The following BLOC1S6 variants were observed in gnomAD, a reference collection of about 807,000 sequenced individuals.
The protein encoded by BLOC1S6 is biogenesis of lysosomal organelles complex 1 subunit 6.
BLOC1S6 carries 24 observed loss-of-function variants against 24.7 expected under a neutral mutation model. The observed-to-expected ratio is 0.97, with a 90% CI of 0.70 to 1.37. BLOC1S6 has a LOEUF of 1.37. Among genes scored for constraint, BLOC1S6 ranks in the 40% most tolerant of loss-of-function variants. The pLI is 0.00. For missense variants in BLOC1S6, 175 were observed against 196.2 expected (o/e 0.89, Z 0.64); for synonymous variants, 76 against 72.6 (o/e 1.05, Z -0.23).
Position 45,609,277 on chromosome 15 carries a change from G to A in BLOC1S6, c.*2763G>A, listed in dbSNP as rs573029090. The A allele has an allele frequency of 6.6e-5, 10 of 152,044 alleles. No individual in the cohort carries two copies. The highest frequency in any genetic ancestry group is 1.2e-4 in the Non-Finnish European group (8 of 68,030). 9.4% of individuals were successfully genotyped at this position (152,044 alleles called of 1,614,324 possible). On this transcript the variant is annotated 3_prime_UTR_variant, in exon 5 of 5. Coordinates refer to ENST00000220531, the MANE Select transcript of BLOC1S6 (RefSeq NM_012388.4). The stretch of plus-strand genomic sequence containing the variant: ...TTCAAGGCTGCAGTGAATTCTGATC[G>A]CACCACTGAACTCCAGCCCGTATGA...
intron 1 of BLOC1S6, 114 bp downstream of exon 1, chr15:45,587,639 C>T (rs968127866): frequency 2.8e-6 from 3 of 1,061,466 alleles, no homozygotes; most frequent in Admixed American, 2.2e-5. Flanking sequence ...GCGGCTGCGG[C>T]CCCCGGGCCC....
At chr15:45,606,341 A>C in intron 4 of BLOC1S6, 54 bp from the exon 5 acceptor site, 7 of 1,607,192 alleles carry the variant, frequency 4.4e-6, no homozygotes, top group Middle Eastern at 1.7e-4. Context: ...AAATTAGGCT[A>C]AACCTGTAAC....
Position 45,608,796 on chromosome 15 carries a change from G to A in BLOC1S6, c.*2282G>A, listed in dbSNP as rs1175678860. 6.6e-6 allele frequency: 1 copy of A among 152,168 alleles called. No individual in the cohort carries two copies. The highest frequency in any genetic ancestry group is 1.5e-5 in the Non-Finnish European group (1 of 68,042). 9.4% of individuals were successfully genotyped at this position (152,168 alleles called of 1,614,324 possible). A position where few individuals can be genotyped will look rare whatever the true frequency, so the allele number is the denominator to read the frequency against. Reference sequence around the variant, plus strand: ...CTAGTATAGACTATCTATCTAGTGAGTTGTATTATAAGCGATGAAATACTT... The same window carrying A: ...CTAGTATAGACTATCTATCTAGTGAATTGTATTATAAGCGATGAAATACTT... On this transcript the variant is annotated 3_prime_UTR_variant, in exon 5 of 5. Coordinates refer to ENST00000220531, the MANE Select transcript of BLOC1S6 (RefSeq NM_012388.4).
intron 4 of BLOC1S6, among the ~76,000 whole-genome samples, chr15:45,606,190 C>A (rs1894451105): frequency 6.6e-6 from 1 of 151,972 alleles, no homozygotes; most frequent in Non-Finnish European, 1.5e-5. Context: ...CTGGATATGC[C>A]CTACAGTTCT....
At chr15:45,602,009 T>C (rs995280227) in intron 2 of BLOC1S6, among the ~76,000 whole-genome samples, 1 of 152,134 alleles carries the variant, frequency 6.6e-6, no homozygotes, top group African/African-American at 2.4e-5. Context: ...GCCTCCCAAG[T>C]AGCTCGGACC....
intron 4 of BLOC1S6, 41 bp downstream of exon 4, chr15:45,605,555 GT>G: frequency 8.1e-7 from 1 of 1,229,716 alleles, no homozygotes; most frequent in Non-Finnish European, 1.2e-6. Flanking sequence ...AAAAGTAGAG[GT>G]TTAATTGTTT....
rs548549836 is a variant in BLOC1S6, at chr15:45,609,698, A to G, written c.*3184A>G. ...TGCTTTTTACACATTTAATAAAAAA[A>G]GGTCTCTGAATTATCTGATGTCATT... is the stretch of plus-strand genomic sequence containing the variant. On this transcript the variant is annotated 3_prime_UTR_variant, in exon 5 of 5. Transcript: ENST00000220531. 2.6e-5 allele frequency: 4 copies of G among 152,336 alleles called. No individual in the cohort carries two copies. The highest frequency in any genetic ancestry group is 9.6e-5 in the African/African-American group (4 of 41,582). 9.4% of individuals were successfully genotyped at this position (152,336 alleles called of 1,614,324 possible).
chr15:45,596,824 C>G (rs771845053), intron 2 of BLOC1S6, among the ~76,000 whole-genome samples: 1 of 151,836 alleles, frequency 6.6e-6, no homozygotes, highest in Non-Finnish European at 1.5e-5. Context: ...TATAGGTGCG[C>G]GCCACCACAC....
At chr15:45,603,244 A>T in intron 3 of BLOC1S6, 57 bp downstream of exon 3, 1 of 1,133,760 alleles carries the variant, frequency 8.8e-7, no homozygotes. Context: ...AATAGCTAAG[A>T]CTTAGCTAAG....
chr15:45,591,217 C>T (rs190928032), intron 1 of BLOC1S6, among the ~76,000 whole-genome samples: 1 of 152,280 alleles, frequency 6.6e-6, no homozygotes, highest in Non-Finnish European at 1.5e-5. Flanking sequence ...TAACAAATAA[C>T]ACAACCCTCC....
rs553672719 is a variant in BLOC1S6 at position 45,606,455 on chromosome 15, C to A, written c.460C>A (p.Arg154=). 3 of 1,613,970 alleles carry A rather than the reference C, an allele frequency of 1.9e-6. No homozygotes were observed. In the South Asian group the frequency reaches 3.3e-5, roughly 18 times the overall value. The change falls in exon 5 of 5, where the codon CGA becomes AGA. Residue 154 remains arginine (R), a synonymous_variant. Transcript: ENST00000220531. ...QKEELEREQQ[R]EKEFEREKQL... ...AGAAGAGTTGGAAAGGGAGCAGCAA[C>A]GAGAGAAGGAGTTTGAAAGAGAAAA...
chr15:45,595,577 T>G (rs1219303988), intron 2 of BLOC1S6, among the ~76,000 whole-genome samples: 1 of 152,206 alleles, frequency 6.6e-6, no homozygotes, highest in Non-Finnish European at 1.5e-5. Flanking sequence ...GTGGTTTGTC[T>G]TATTACTCTC....
At chr15:45,595,841 C>T (rs1444554276) in intron 2 of BLOC1S6, among the ~76,000 whole-genome samples, 1 of 152,106 alleles carries the variant, frequency 6.6e-6, no homozygotes, top group East Asian at 1.9e-4. Flanking sequence ...GAGTTTCTCT[C>T]CTGTTGCCCA....
At chr15:45,591,079 A>G (rs923560133) in intron 1 of BLOC1S6, among the ~76,000 whole-genome samples, 2 of 152,184 alleles carry the variant, frequency 1.3e-5, no homozygotes, top group South Asian at 2.1e-4. Flanking sequence ...GAAAGTGATG[A>G]GGCATTGATC....
chr15:45,604,149 A>G (rs766362762), intron 3 of BLOC1S6, among the ~76,000 whole-genome samples: 1 of 152,164 alleles, frequency 6.6e-6, no homozygotes, highest in African/African-American at 2.4e-5. Context: ...TAGGAGGATT[A>G]CTTGAGGCGT....
intron 2 of BLOC1S6, among the ~76,000 whole-genome samples, chr15:45,601,903 T>C (rs928209585): frequency 1.3e-5 from 2 of 152,036 alleles, no homozygotes; most frequent in South Asian, 2.1e-4. Context: ...TTTGTAGAGA[T>C]GGGGTCTCAC....
At chr15:45,602,291 T>C (rs1894298710) in intron 2 of BLOC1S6, 6 of 634,410 alleles carry the variant, frequency 9.5e-6, no homozygotes, top group Admixed American at 5.6e-5. Context: ...TTATTTCTTT[T>C]TTTTTTTTAT....
chr15:45,596,612 A>G (rs117404657), intron 2 of BLOC1S6, among the ~76,000 whole-genome samples: 2,376 of 151,762 alleles, frequency 0.016, 22 homozygotes, highest in Non-Finnish European at 0.024. Context: ...ATTCTGTTCC[A>G]TTGATCAGTA....
At chr15:45,601,234 C>T (rs1894259072) in intron 2 of BLOC1S6, 1 of 154,454 alleles carries the variant, frequency 6.5e-6, no homozygotes, top group East Asian at 1.9e-4. Flanking sequence ...GATGATATAG[C>T]ACAGCTGCAG....
Sources: allele counts gnomAD v4.1 joint callset (sites outside exome capture counted in the v4.1 genomes callset), GRCh38; gene constraint gnomAD v4.1.1; transcripts MANE v1.5; gene names NCBI Gene and HGNC (gene_info 2026-07-23, HGNC 2026-07-21).